ASTN2: variants seen among roughly 807,000 people sequenced by gnomAD.
ASTN2 encodes astrotactin-2.
ASTN2 carries 54 observed loss-of-function variants against 139.8 expected under a neutral mutation model. The ratio of observed to expected loss-of-function variants is 0.39; its 90% CI spans 0.31 to 0.48. ASTN2 has a LOEUF of 0.48. ASTN2 is among the 20% of genes least tolerant of loss of function. The pLI is 0.95. For synonymous variants in ASTN2, 756 were observed against 719.5 expected (o/e 1.05, Z -0.81); for missense variants, 1,565 against 1,725.1 (o/e 0.91, Z 1.64).
intron 16 of ASTN2, among the ~76,000 whole-genome samples, chr9:116,652,644 C>A (rs184939348): frequency 6.6e-6 from 1 of 152,190 alleles, no homozygotes; most frequent in Non-Finnish European, 1.5e-5. Flanking sequence ...CAAGTGACTC[C>A]AATGATAAAT....
intron 3 of ASTN2, among the ~76,000 whole-genome samples, chr9:117,213,218 G>A (rs1832198852): frequency 6.6e-6 from 1 of 152,112 alleles, no homozygotes; most frequent in African/African-American, 2.4e-5. Context: ...ATTCACATGT[G>A]GAAGCTGAAA....
intron 7 of ASTN2, among the ~76,000 whole-genome samples, chr9:117,003,358 C>T (rs1185371641): frequency 6.6e-6 from 1 of 152,090 alleles, no homozygotes; most frequent in East Asian, 1.9e-4. Flanking sequence ...GCTGAGGTTT[C>T]AGAAGCACTG....
chr9:116,803,506 A>ATG (rs1830936198), intron 13 of ASTN2, among the ~76,000 whole-genome samples: 1 of 7,906 alleles, frequency 1.3e-4, no homozygotes, highest in Admixed American at 2.3e-3. Flanking sequence ...ATATATATAT[A>ATG]TATATATATA....
intron 11 of ASTN2, among the ~76,000 whole-genome samples, chr9:116,840,060 T>C (rs1832161554): frequency 6.8e-6 from 1 of 147,602 alleles, no homozygotes; most frequent in Non-Finnish European, 1.5e-5. Flanking sequence ...TACTTGAGAT[T>C]AGGGAGTGGT....
intron 17 of ASTN2, among the ~76,000 whole-genome samples, chr9:116,634,545 G>T (rs79458566): frequency 7.0e-6 from 1 of 143,580 alleles, no homozygotes; most frequent in African/African-American, 2.7e-5. Context: ...AGCCGAGATC[G>T]CGCCACTGCA....
At chr9:116,910,329 C>T (rs745959888) in intron 10 of ASTN2, among the ~76,000 whole-genome samples, 5 of 152,100 alleles carry the variant, frequency 3.3e-5, no homozygotes, top group Middle Eastern at 3.2e-3. Flanking sequence ...ACTGGCATTT[C>T]GGGTCGGATA....
In ASTN2 at chr9:117,238,185, G is replaced by C. The variant is rs148192054; in HGVS notation, c.631-23443C>G. On this transcript the variant is annotated intron_variant, in intron 2 of 22. Coordinates refer to ENST00000313400, the MANE Select transcript of ASTN2 (RefSeq NM_001365068.1). Reference sequence around the variant, plus strand: ...GCAAAGACCCACTTGTGGAGGCTCAGGCTTTCCTGAGCTCTGTGCACTGGC... The same window carrying C: ...GCAAAGACCCACTTGTGGAGGCTCACGCTTTCCTGAGCTCTGTGCACTGGC... Among the ~76,000 whole-genome samples the C allele has an allele frequency of 8.8e-3, 1,339 of 152,250 alleles. 27 individuals carry two copies. The highest frequency in any genetic ancestry group is 0.031 in the African/African-American group (1,291 of 41,562).
chr9:116,763,567 G>A (rs1829729948), intron 13 of ASTN2, among the ~76,000 whole-genome samples: 1 of 152,116 alleles, frequency 6.6e-6, no homozygotes, highest in African/African-American at 2.4e-5. Flanking sequence ...GATATGCTGG[G>A]AGAAAACACA....
At chr9:117,150,976 CG>C (rs1830314615) in intron 3 of ASTN2, among the ~76,000 whole-genome samples, 1 of 152,022 alleles carries the variant, frequency 6.6e-6, no homozygotes. Context: ...ACTGGGAATG[CG>C]GGTGTGAGCC....
chr9:116,581,949 G>A (rs914770443), intron 19 of ASTN2: 1 of 152,150 alleles, frequency 6.6e-6, no homozygotes, highest in African/African-American at 2.4e-5. Flanking sequence ...GAGGTGGAAG[G>A]GGAGAAAAAG....
chr9:116,788,735 A>G lies in ASTN2; in HGVS notation c.2396+16897T>C, dbSNP rs191454229. On this transcript the variant is annotated intron_variant, in intron 13 of 22. Coordinates refer to ENST00000313400, the MANE Select transcript of ASTN2 (RefSeq NM_001365068.1). ...ACCCAATAAAACTGTGACCCTTAGT[A>G]TTTAATTTCTCTCATTAAGAAGAAT... Among the ~76,000 whole-genome samples the G allele has an allele frequency of 9.2e-5, 14 of 152,330 alleles. 1 individual carries two copies. The highest frequency in any genetic ancestry group is 3.4e-4 in the African/African-American group (14 of 41,572).
intron 6 of ASTN2, among the ~76,000 whole-genome samples, chr9:117,025,060 T>C (rs1446599934): frequency 6.6e-6 from 1 of 152,088 alleles, no homozygotes; most frequent in Admixed American, 6.5e-5. Context: ...CAAACCTCCT[T>C]CCTCTAGGAT....
At chr9:117,077,952 A>G (rs1048867045) in intron 5 of ASTN2, among the ~76,000 whole-genome samples, 1 of 152,224 alleles carries the variant, frequency 6.6e-6, no homozygotes, top group Admixed American at 6.5e-5. Context: ...GAAGCAGACA[A>G]GAACTCTGAC....
chr9:116,788,041 T>G lies in ASTN2; in HGVS notation c.2396+17591A>C, dbSNP rs144998767. ...TCCTATCTGAACCTGGAGGACATCA[T>G]GCTAAGTGAAATAAGCCAAACACAG... On this transcript the variant is annotated intron_variant, in intron 13 of 22. Transcript: ENST00000313400. Among the ~76,000 whole-genome samples, 4 of 152,326 alleles carry G rather than the reference T, an allele frequency of 2.6e-5. No individual in the cohort carries two copies. The East Asian group carries it at 7.7e-4, about 29-fold the overall frequency.
intron 10 of ASTN2, among the ~76,000 whole-genome samples, chr9:116,890,774 G>C (rs913760827): frequency 4.5e-4 from 68 of 152,158 alleles, no homozygotes; most frequent in African/African-American, 1.5e-3. Flanking sequence ...GCTCCAAGAA[G>C]AGAAGTGACC....
At chr9:116,769,743 G>T (rs1422105435) in intron 13 of ASTN2, among the ~76,000 whole-genome samples, 2 of 152,124 alleles carry the variant, frequency 1.3e-5, no homozygotes, top group Non-Finnish European at 2.9e-5. Flanking sequence ...CTTGTATTTT[G>T]TCTTTAAAAT....
intron 10 of ASTN2, among the ~76,000 whole-genome samples, chr9:116,942,873 A>G (rs751399574): frequency 2.6e-5 from 4 of 152,186 alleles, no homozygotes; most frequent in Admixed American, 6.5e-5. Flanking sequence ...GCTGATGCAC[A>G]TGACCTATAA....
chr9:116,458,957 T>C (rs1001600416), intron 20 of ASTN2, among the ~76,000 whole-genome samples: 2 of 152,000 alleles, frequency 1.3e-5, no homozygotes, highest in Non-Finnish European at 2.9e-5. Flanking sequence ...CAAAACAATA[T>C]TTAAAAAGAA....
intron 16 of ASTN2, among the ~76,000 whole-genome samples, chr9:116,688,609 T>C (rs1220623331): frequency 3.9e-5 from 6 of 152,000 alleles, no homozygotes; most frequent in Non-Finnish European, 7.4e-5. Context: ...AGGTATGGTA[T>C]TGCCACTAAC....
Sources: allele counts gnomAD v4.1 joint callset (sites outside exome capture counted in the v4.1 genomes callset), GRCh38; gene constraint gnomAD v4.1.1; transcripts MANE v1.5; gene names NCBI Gene and HGNC (gene_info 2026-07-23, HGNC 2026-07-21).